Variants in MYT1L observed in about 807,000 individuals in gnomAD.
MYT1L encodes the protein myelin transcription factor 1-like protein.
MYT1L carries 12 observed loss-of-function variants against 126.7 expected under a neutral mutation model. The observed-to-expected ratio is 0.09, with a 90% confidence interval of 0.06 to 0.15. MYT1L has a LOEUF of 0.15. Among genes scored for constraint, MYT1L ranks in the 10% least tolerant of loss-of-function variants. The pLI is 1.00. For synonymous variants in MYT1L, 541 were observed against 604.2 expected (o/e 0.90, Z 1.53); for missense variants, 979 against 1,585.2 (o/e 0.62, Z 6.49).
Position 2,262,915 on chromosome 2 carries a change from A to AATATATAT in MYT1L, c.-421+21481_-421+21488dup, listed in dbSNP as rs61461867. 2.6e-4 allele frequency among the ~76,000 whole-genome samples: 16 copies of AATATATAT among 62,516 alleles called. 3 individuals are homozygous for AATATATAT. In the East Asian group the frequency reaches 5.7e-3, roughly 22 times the overall value. The allele number at this position is 62,516 out of a possible 152,430, so 41.0% of individuals were successfully genotyped here. The stretch of plus-strand genomic sequence containing the variant: ...GTTTTTACCCCAGGTGAGAGGCACA[A>AATATATAT]ATATATATATATATATAACCTGTGA... On this transcript the variant is annotated intron_variant, in intron 2 of 24. Transcript: ENST00000647738.
chr2:2,069,618 C>A (rs1326921588), intron 3 of MYT1L, among the ~76,000 whole-genome samples: 1 of 151,990 alleles, frequency 6.6e-6, no homozygotes, highest in Non-Finnish European at 1.5e-5. Flanking sequence ...AGTGGTATTT[C>A]TAGTCCTAGA....
chr2:2,236,847 C>A (rs995000319), intron 2 of MYT1L, among the ~76,000 whole-genome samples: 2 of 136,712 alleles, frequency 1.5e-5, no homozygotes, highest in Non-Finnish European at 3.1e-5. Context: ...GAGTTTCGCT[C>A]TTGTTGCCCA....
chr2:2,199,011 A>T (rs1315604995), intron 2 of MYT1L, among the ~76,000 whole-genome samples: 1 of 152,192 alleles, frequency 6.6e-6, no homozygotes, highest in Non-Finnish European at 1.5e-5. Context: ...TAATAAAAAC[A>T]CCATAGACCA....
intron 8 of MYT1L, among the ~76,000 whole-genome samples, chr2:1,964,567 G>A (rs773117374): frequency 6.6e-6 from 1 of 151,994 alleles, no homozygotes; most frequent in Non-Finnish European, 1.5e-5. Flanking sequence ...ACTTTGAATT[G>A]TTTATTTTTA....
chr2:2,115,734 C>T (rs986331568), intron 3 of MYT1L, among the ~76,000 whole-genome samples: 1 of 152,218 alleles, frequency 6.6e-6, no homozygotes, highest in African/African-American at 2.4e-5. Context: ...AGGCAAGGCC[C>T]CCGCGGGAGT....
Position 1,910,293 on chromosome 2 carries a change from C to T in MYT1L, c.1764G>A (p.Lys588=), listed in dbSNP as rs373834403. ...ACTTGGACACGTCGCAGCTCTGGTG[C>T]TTTTCCTGTGCCTTGGCCAGTTTCT... The part of the protein sequence containing the change: ...AAEKLAKAQE[K]HQSCDVSKSS... The change falls in exon 13 of 25, where the codon AAG becomes AAA. Residue 588 remains lysine (K), a synonymous_variant. Coordinates refer to ENST00000647738, the MANE Select transcript of MYT1L (RefSeq NM_001303052.2). This position sits in a 1 kb window ranked among gnomAD's most constrained non-coding sequence, Gnocchi z 4.8. 191 of 1,613,086 alleles carry T rather than the reference C, an allele frequency of 1.2e-4. No homozygotes were observed. Among genetic ancestry groups the T allele is most frequent in the Non-Finnish European group, 1.6e-4 (187 of 1,179,900 alleles).
At chr2:2,306,584 G>A (rs17039531) in intron 1 of MYT1L, among the ~76,000 whole-genome samples, 6,865 of 152,082 alleles carry the variant, frequency 0.045, 259 homozygotes, top group African/African-American at 0.11. Flanking sequence ...TCCAAATATC[G>A]AGGTACCCTA....
intron 4 of MYT1L, among the ~76,000 whole-genome samples, chr2:2,009,787 A>G (rs1412669387): frequency 6.6e-6 from 1 of 151,906 alleles, no homozygotes; most frequent in Non-Finnish European, 1.5e-5. Context: ...TTTCTACTGG[A>G]TCTTAGTGGC....
chr2:2,306,321 G>GT (rs1270985750), intron 1 of MYT1L, among the ~76,000 whole-genome samples: 6 of 152,132 alleles, frequency 3.9e-5, no homozygotes, highest in Non-Finnish European at 8.8e-5. Context: ...CACAACTATT[G>GT]TTTTTTAAGT....
intron 18 of MYT1L, among the ~76,000 whole-genome samples, chr2:1,861,436 T>C (rs1281435751): frequency 6.6e-6 from 1 of 152,194 alleles, no homozygotes; most frequent in Non-Finnish European, 1.5e-5. Flanking sequence ...AGCAGAAATG[T>C]TGATCCTCAT....
intron 2 of MYT1L, among the ~76,000 whole-genome samples, chr2:2,183,426 C>G (rs536724445): frequency 2.6e-5 from 4 of 152,156 alleles, no homozygotes; most frequent in African/African-American, 9.7e-5. Flanking sequence ...GAGCCTGGAA[C>G]CAAGCCATCC....
chr2:2,202,586 T>C (rs1301714472), intron 2 of MYT1L, among the ~76,000 whole-genome samples: 2 of 152,134 alleles, frequency 1.3e-5, no homozygotes, highest in African/African-American at 2.4e-5. Flanking sequence ...AAGTTGAATC[T>C]CTGAATAGAC....
chr2:2,212,530 G>A (rs151190869), intron 2 of MYT1L, among the ~76,000 whole-genome samples: 46 of 152,162 alleles, frequency 3.0e-4, no homozygotes, highest in Middle Eastern at 3.4e-3. Context: ...AACACATTTT[G>A]ATTTTAATTC....
intron 3 of MYT1L, among the ~76,000 whole-genome samples, chr2:2,116,056 G>T (rs1423983848): frequency 2.6e-5 from 4 of 152,204 alleles, no homozygotes. Flanking sequence ...ACGAAAACAG[G>T]ACGAGCCTCA....
At chr2:2,255,914 C>A (rs1298452796) in intron 2 of MYT1L, among the ~76,000 whole-genome samples, 2 of 152,174 alleles carry the variant, frequency 1.3e-5, no homozygotes, top group Non-Finnish European at 2.9e-5. Context: ...ACACCTTACC[C>A]TTTACTGAGT....
intron 4 of MYT1L, among the ~76,000 whole-genome samples, chr2:1,997,826 C>T (rs904189239): frequency 6.6e-6 from 1 of 152,188 alleles, no homozygotes; most frequent in Non-Finnish European, 1.5e-5. Context: ...GGTGAGAGGA[C>T]CAGCCTAGTC....
chr2:2,228,649 A>G lies in MYT1L; in HGVS notation c.-420-55661T>C, dbSNP rs2094081014. On this transcript the variant is annotated intron_variant, in intron 2 of 24. Transcript: ENST00000647738. The surrounding 1 kb of genome is among the most constrained non-coding windows in gnomAD (Gnocchi z 5.9). The stretch of plus-strand genomic sequence containing the variant: ...TGCAGTCTAGAAACCCACTTTGTCT[A>G]TAAAACATTAAAATAGAACCATTTA... 6.6e-6 allele frequency among the ~76,000 whole-genome samples: 1 copy of G among 152,198 alleles called. No homozygotes were observed.
intron 2 of MYT1L, among the ~76,000 whole-genome samples, chr2:2,183,540 A>C (rs971402892): frequency 2.6e-5 from 4 of 152,154 alleles, no homozygotes; most frequent in Non-Finnish European, 2.9e-5. Context: ...TGAATGTTTG[A>C]AATCATGCTG....
At chr2:2,193,714 G>A (rs1309012958) in intron 2 of MYT1L, among the ~76,000 whole-genome samples, 1 of 152,178 alleles carries the variant, frequency 6.6e-6, no homozygotes, top group Non-Finnish European at 1.5e-5. Flanking sequence ...ACATAGTTCT[G>A]TGATTTTGAT....
Sources: gnomAD v4.1 joint callset for allele counts (sites outside exome capture counted in the v4.1 genomes callset) on GRCh38, gnomAD v4.1.1 for gene constraint, Gnocchi (gnomAD v3.1) non-coding constraint, MANE v1.5 for transcripts, NCBI Gene and HGNC (gene_info 2026-07-23, HGNC 2026-07-21) for gene names.